SNN: variants seen among roughly 807,000 people sequenced by gnomAD.
SNN encodes stannin.
SNN carries 5 observed loss-of-function variants against 5.3 expected under a neutral mutation model. The observed-to-expected ratio is 0.94, with a 90% CI of 0.49 to 1.97. The LOEUF (loss-of-function observed/expected upper bound fraction) is 1.97. Ranked by LOEUF, SNN falls within the 30% of genes most tolerant of loss-of-function variation. The pLI, the probability that SNN is intolerant of heterozygous loss-of-function variation, is 0.01. For synonymous variants in SNN, 67 were observed against 52.1 expected, an observed-to-expected ratio of 1.29 and a Z score of -1.24; for missense variants, 127 against 121.6, an observed-to-expected ratio of 1.04 and a Z score of -0.21.
intron 1 of SNN, among the ~76,000 whole-genome samples, chr16:11,669,671 A>G (rs1408796850): frequency 6.6e-6 from 1 of 152,196 alleles, no homozygotes; most frequent in Non-Finnish European, 1.5e-5. Flanking sequence ...TCCGGCATCT[A>G]CAAGCAAAGT....
At chr16:11,674,869 G>C (rs1248300379) in intron 1 of SNN, among the ~76,000 whole-genome samples, 1 of 152,218 alleles carries the variant, frequency 6.6e-6, no homozygotes, top group African/African-American at 2.4e-5. Context: ...CCTGTATTGT[G>C]AGTGACCGGC....
chr16:11,676,058 C>A lies in SNN; in HGVS notation c.-2C>A. ...CAGCCGAGGAAGCCCCCAGCACTGA[C>A]CATGTCTATTATGGACCACAGCCCC... is the stretch of plus-strand genomic sequence containing the variant. On this transcript the variant is annotated 5_prime_UTR_variant, in exon 2 of 2. Coordinates refer to ENST00000329565, the MANE Select transcript of SNN (RefSeq NM_003498.6). The A allele has an allele frequency of 3.8e-6, 6 of 1,594,190 alleles. No individual in the cohort carries two copies. Among genetic ancestry groups the A allele is most frequent in the South Asian group, 1.1e-5 (1 of 88,698 alleles).
At chr16:11,675,829 G>A (rs929627118) in intron 1 of SNN, 146 bp from the exon 2 acceptor site, 2 of 495,732 alleles carry the variant, frequency 4.0e-6, no homozygotes, top group Non-Finnish European at 3.6e-6. Flanking sequence ...ACAGGAGCTG[G>A]GTGAGCGTGG....
chr16:11,675,303 A>G (rs2050293100), intron 1 of SNN, among the ~76,000 whole-genome samples: 1 of 123,928 alleles, frequency 8.1e-6, no homozygotes, highest in African/African-American at 3.2e-5. Context: ...CCTGTCGCCC[A>G]GGCTGGAGGG....
At position 11,672,754 on chromosome 16, in the gene SNN, C is replaced by T. The variant is rs2050274206; in HGVS notation, c.-85-3221C>T. Reference sequence around the variant, plus strand: ...CATGCCTCCTGGCCTGGGTTCAGGGCAGCAGACGGGGTTTTGGGGTCACCA... The same window carrying T: ...CATGCCTCCTGGCCTGGGTTCAGGGTAGCAGACGGGGTTTTGGGGTCACCA... On this transcript the variant is annotated intron_variant, in intron 1 of 1. Coordinates refer to ENST00000329565, the MANE Select transcript of SNN (RefSeq NM_003498.6). The surrounding 1 kb of genome is among the most constrained non-coding windows in gnomAD (Gnocchi z 6.0). 6.6e-6 allele frequency among the ~76,000 whole-genome samples: 1 copy of T among 152,078 alleles called. No individual in the cohort carries two copies. Among genetic ancestry groups the T allele is most frequent in the Admixed American group, 6.5e-5 (1 of 15,278 alleles).
In SNN at chr16:11,676,244, T is replaced by C; in HGVS notation, c.185T>C (p.Leu62Pro). ...GGGGAGACCAAGGAACCCTTCCTGCTGGTGCAGTATTCGGCCAAGGGACCG... is the reference window on the plus strand; with the variant it reads ...GGGGAGACCAAGGAACCCTTCCTGCCGGTGCAGTATTCGGCCAAGGGACCG... ...GDGETKEPFL[L>P]VQYSAKGPCV... Residue 62 changes from leucine to proline, a missense_variant, in exon 2 of 2, where the codon CTG (leucine) becomes CCG (proline). Physicochemically the swap from Leu to Pro is moderately conservative, Grantham distance 98 (BLOSUM62 -3). Coordinates refer to ENST00000329565, the MANE Select transcript of SNN (RefSeq NM_003498.6). 1 of 1,614,202 alleles carries C rather than the reference T, an allele frequency of 6.2e-7. No individual in the cohort carries two copies. Among genetic ancestry groups the C allele is most frequent in the South Asian group, 1.1e-5 (1 of 91,088 alleles).
rs1242240076 is a variant in SNN at position 11,672,613 on chromosome 16, T to G, written c.-85-3362T>G. Among the ~76,000 whole-genome samples, 4 of 151,958 alleles carry G rather than the reference T, an allele frequency of 2.6e-5. No homozygotes were observed. The highest frequency in any genetic ancestry group is 5.9e-5 in the Non-Finnish European group (4 of 67,980). ...CGTTTCTCAGGAAACATTTGCTGAG[T>G]GAATGAAGGAACAGATACGCACTCG... is the stretch of plus-strand genomic sequence containing the variant. On this transcript the variant is annotated intron_variant, in intron 1 of 1. Coordinates refer to ENST00000329565, the MANE Select transcript of SNN (RefSeq NM_003498.6). The surrounding 1 kb of genome is among the most constrained non-coding windows in gnomAD (Gnocchi z 6.0).
Position 11,672,089 on chromosome 16 carries a change from A to T in SNN, c.-86+3549A>T, listed in dbSNP as rs1242170440. On this transcript the variant is annotated intron_variant, in intron 1 of 1. Transcript: ENST00000329565. This position sits in a 1 kb window ranked among gnomAD's most constrained non-coding sequence, Gnocchi z 6.0. ...CTGAGTGTCAGGGACCCCCCCACCT[A>T]TGATCCCCCTGAGAACAGGGTCTCC... Among the ~76,000 whole-genome samples the T allele has an allele frequency of 6.6e-6, 1 of 152,000 alleles. No individual in the cohort carries two copies. Among genetic ancestry groups the T allele is most frequent in the East Asian group, 1.9e-4 (1 of 5,184 alleles).
At chr16:11,673,753 CG>C (rs1567279617) in intron 1 of SNN, among the ~76,000 whole-genome samples, 1 of 152,066 alleles carries the variant, frequency 6.6e-6, no homozygotes, top group South Asian at 2.1e-4. Context: ...GGGTTCGTTG[CG>C]GGGGTCAGCG....
In SNN at chr16:11,668,455, G is replaced by A. The variant is rs1597387135; in HGVS notation, c.-171G>A. The A allele has an allele frequency of 6.8e-6, 1 of 146,312 alleles. No homozygotes were observed. Among genetic ancestry groups the A allele is most frequent in the Non-Finnish European group, 1.5e-5 (1 of 65,782 alleles). The allele number at this position is 146,312 out of a possible 1,614,324, so 9.1% of individuals were successfully genotyped here. ...CCGCAGCGCGGGGCTCCTGCGTCCC[G>A]AGTGCGCGGCGGCCGGACCGGGCGG... On this transcript the variant is annotated 5_prime_UTR_variant, in exon 1 of 2. Coordinates refer to ENST00000329565, the MANE Select transcript of SNN (RefSeq NM_003498.6). This position sits in a 1 kb window ranked among gnomAD's most constrained non-coding sequence, Gnocchi z 6.8.
Position 11,676,096 on chromosome 16 carries a change from G to A in SNN, c.37G>A (p.Val13Ile). 6.2e-7 allele frequency: 1 copy of A among 1,613,090 alleles called. No individual in the cohort carries two copies. The change falls in exon 2 of 2, where the codon GTC becomes ATC. Residue 13 changes from valine (V) to isoleucine (I), a missense_variant. Coordinates refer to ENST00000329565, the MANE Select transcript of SNN (RefSeq NM_003498.6). ...IMDHSPTTGV[V>I]TVIVILIAIA... ...GGACCACAGCCCCACCACGGGCGTG[G>A]TCACAGTCATCGTCATCCTCATTGC...
At chr16:11,675,837 TG>T in intron 1 of SNN, 137 bp from the exon 2 acceptor site, 1 of 511,562 alleles carries the variant, frequency 2.0e-6, no homozygotes, top group Non-Finnish European at 3.5e-6. Context: ...TGGGTGAGCG[TG>T]GGTGAGCAGA....
intron 1 of SNN, among the ~76,000 whole-genome samples, chr16:11,673,436 G>A (rs1005279695): frequency 6.6e-6 from 1 of 152,196 alleles, no homozygotes; most frequent in Admixed American, 6.5e-5. Context: ...GAAGGAGCCC[G>A]GCCGGGTTGG....
Position 11,678,953 on chromosome 16 carries a change from T to C in SNN, c.*2627T>C, listed in dbSNP as rs1043803990. On this transcript the variant is annotated 3_prime_UTR_variant, in exon 2 of 2. Coordinates refer to ENST00000329565, the MANE Select transcript of SNN (RefSeq NM_003498.6). ...CTCTTGACACTGAGCCACTAAAATA[T>C]GGACTAATTTTTTGGACAAATCTTC... The C allele has an allele frequency of 7.7e-5, 40 of 516,432 alleles. No homozygotes were observed. Among genetic ancestry groups the C allele is most frequent in the Non-Finnish European group, 1.1e-4 (31 of 286,198 alleles). 32.0% of individuals were successfully genotyped at this position (516,432 alleles called of 1,614,324 possible).
chr16:11,670,288 G>A (rs1220194475), intron 1 of SNN, among the ~76,000 whole-genome samples: 7 of 152,160 alleles, frequency 4.6e-5, no homozygotes, highest in Admixed American at 3.3e-4. Flanking sequence ...CCCTCCTGGC[G>A]TCTGTCAAGG....
chr16:11,675,542 C>T (rs528073940), intron 1 of SNN, among the ~76,000 whole-genome samples: 1 of 152,260 alleles, frequency 6.6e-6, no homozygotes, highest in South Asian at 2.1e-4. Context: ...GCTGGAATTA[C>T]AGGCATGAGT....
chr16:11,671,400 C>A lies in SNN; in HGVS notation c.-86+2860C>A, dbSNP rs1190245494. On this transcript the variant is annotated intron_variant, in intron 1 of 1. Transcript: ENST00000329565. This position sits in a 1 kb window ranked among gnomAD's most constrained non-coding sequence, Gnocchi z 4.7. ...CCTGCCCAGAGATGGAAGGCCCAGGCTGTGCTCTGGGTCCTGGCCCCTCTG... is the reference window on the plus strand; with the variant it reads ...CCTGCCCAGAGATGGAAGGCCCAGGATGTGCTCTGGGTCCTGGCCCCTCTG... Among the ~76,000 whole-genome samples the A allele has an allele frequency of 6.6e-6, 1 of 152,178 alleles. No homozygotes were observed. The highest frequency in any genetic ancestry group is 1.5e-5 in the Non-Finnish European group (1 of 68,022).
intron 1 of SNN, among the ~76,000 whole-genome samples, chr16:11,669,434 A>G (rs2050252069): frequency 6.6e-6 from 1 of 152,204 alleles, no homozygotes; most frequent in Admixed American, 6.5e-5. Flanking sequence ...GTCAGGGTCG[A>G]AATGCGGGAT....
In SNN at chr16:11,671,836, C is replaced by T. The variant is rs924649261; in HGVS notation, c.-86+3296C>T. 1.1e-4 allele frequency among the ~76,000 whole-genome samples: 16 copies of T among 152,154 alleles called. No homozygotes were observed. The highest frequency in any genetic ancestry group is 5.8e-4 in the East Asian group (3 of 5,180). On this transcript the variant is annotated intron_variant, in intron 1 of 1. Coordinates refer to ENST00000329565, the MANE Select transcript of SNN (RefSeq NM_003498.6). This position sits in a 1 kb window ranked among gnomAD's most constrained non-coding sequence, Gnocchi z 4.7. ...GGGCTTGTGGGGACCTGCTGCCCTC[C>T]GCGCTTTGAGTTTCCCGGGGCTCTG...
Sources: gnomAD v4.1 joint callset for allele counts (sites outside exome capture counted in the v4.1 genomes callset) on GRCh38, gnomAD v4.1.1 for gene constraint, Gnocchi (gnomAD v3.1) non-coding constraint, MANE v1.5 for transcripts, NCBI Gene and HGNC (gene_info 2026-07-23, HGNC 2026-07-21) for gene names.